RPTOR: variants seen among roughly 807,000 people sequenced by gnomAD.
The protein encoded by RPTOR is regulatory associated protein of MTOR complex 1, also known as regulatory-associated protein of mTOR.
RPTOR carries 21 observed loss-of-function variants against 169.9 expected under a neutral mutation model. The observed-to-expected ratio is 0.12, with a 90% CI of 0.09 to 0.18. The LOEUF (loss-of-function observed/expected upper bound fraction) is 0.18. Ranked by LOEUF, RPTOR falls within the 10% of genes least tolerant of loss-of-function variation. RPTOR has a pLI of 1.00. For synonymous variants in RPTOR, 732 were observed against 753.2 expected (o/e 0.97, Z 0.46); for missense variants, 1,133 against 1,855.9 (o/e 0.61, Z 7.16).
intron 11 of RPTOR, among the ~76,000 whole-genome samples, chr17:80,846,994 A>G (rs2067738560): frequency 6.6e-6 from 1 of 152,206 alleles, no homozygotes. Context: ...TTCTCTTGGG[A>G]AGGACAGGAG....
At chr17:80,892,124 G>A (rs1056224642) in intron 18 of RPTOR, among the ~76,000 whole-genome samples, 5 of 152,184 alleles carry the variant, frequency 3.3e-5, no homozygotes, top group East Asian at 1.9e-4. Context: ...AGGAGCTTGC[G>A]GAAAAGCGCA....
At position 80,587,948 on chromosome 17, in the gene RPTOR, C is replaced by T. The variant is rs145745152; in HGVS notation, c.163-37743C>T. ...CCCTACCCCTTCCACCCACTAACCT[C>T]TGGTGACCACCATTCTACTCTGCTT... is the stretch of plus-strand genomic sequence containing the variant. On this transcript the variant is annotated intron_variant, in intron 1 of 33. Coordinates refer to ENST00000306801, the MANE Select transcript of RPTOR (RefSeq NM_020761.3). Among the ~76,000 whole-genome samples, 50 of 152,308 alleles carry T rather than the reference C, an allele frequency of 3.3e-4. 1 individual carries two copies. The highest frequency in any genetic ancestry group is 1.2e-3 in the African/African-American group (49 of 41,562).
chr17:80,691,545 A>T (rs1309922946), intron 3 of RPTOR, among the ~76,000 whole-genome samples: 1 of 152,096 alleles, frequency 6.6e-6, no homozygotes, highest in Non-Finnish European at 1.5e-5. Context: ...TTCGTTCTTC[A>T]CCGATGTCCA....
chr17:80,747,566 C>G (rs961211920), intron 5 of RPTOR, among the ~76,000 whole-genome samples: 1 of 152,248 alleles, frequency 6.6e-6, no homozygotes, highest in Non-Finnish European at 1.5e-5. Flanking sequence ...ACCTGTCCGA[C>G]TGCTCCCTCG....
intron 3 of RPTOR, among the ~76,000 whole-genome samples, chr17:80,664,583 ACCT>A (rs945374652): frequency 5.5e-4 from 82 of 148,368 alleles, no homozygotes; most frequent in African/African-American, 1.9e-3. Flanking sequence ...CTCTCTTTCC[ACCT>A]CCTCCTCCGT....
intron 1 of RPTOR, among the ~76,000 whole-genome samples, chr17:80,567,664 C>T (rs143012748): frequency 0.18 from 27,490 of 151,306 alleles, 2,566 homozygotes; most frequent in East Asian, 0.27. Flanking sequence ...TGGTGGCGGG[C>T]GCCTATAATC....
chr17:80,640,030 T>C (rs868095890), intron 2 of RPTOR, among the ~76,000 whole-genome samples: 2 of 152,208 alleles, frequency 1.3e-5, no homozygotes, highest in Non-Finnish European at 2.9e-5. Flanking sequence ...TCTAAGTATC[T>C]TGAAATTCAG....
intron 6 of RPTOR, among the ~76,000 whole-genome samples, chr17:80,771,535 A>G (rs529479154): frequency 2.0e-5 from 3 of 151,988 alleles, no homozygotes; most frequent in Admixed American, 2.0e-4. Flanking sequence ...AGCCCTCAAT[A>G]TTGTAATCAG....
chr17:80,681,214 G>T (rs1305503275), intron 3 of RPTOR, among the ~76,000 whole-genome samples: 2 of 152,206 alleles, frequency 1.3e-5, no homozygotes, highest in Non-Finnish European at 2.9e-5. Flanking sequence ...TGGCAGTGGA[G>T]TGTCTCGCTT....
chr17:80,949,218 A>G (rs2069142129), intron 27 of RPTOR, among the ~76,000 whole-genome samples: 1 of 152,144 alleles, frequency 6.6e-6, no homozygotes, highest in Non-Finnish European at 1.5e-5. Flanking sequence ...GTGGTCTCCC[A>G]TCCCCTGGGC....
intron 3 of RPTOR, among the ~76,000 whole-genome samples, chr17:80,694,473 C>T (rs2066019597): frequency 6.6e-6 from 1 of 152,188 alleles, no homozygotes. Context: ...ATATGTGGGG[C>T]CGTGGTGCTG....
At chr17:80,830,899 C>T (rs1029742575) in intron 9 of RPTOR, among the ~76,000 whole-genome samples, 3 of 152,030 alleles carry the variant, frequency 2.0e-5, no homozygotes, top group East Asian at 1.9e-4. Flanking sequence ...TACAGGCACA[C>T]GCCCAGCTAA....
chr17:80,637,462 G>C (rs1324847998), intron 2 of RPTOR, among the ~76,000 whole-genome samples: 1 of 152,240 alleles, frequency 6.6e-6, no homozygotes, highest in African/African-American at 2.4e-5. Flanking sequence ...CCCCCCTCTG[G>C]ATAATAAGTT....
intron 20 of RPTOR, among the ~76,000 whole-genome samples, chr17:80,902,043 ATCT>A (rs1412742251): frequency 1.3e-5 from 2 of 152,076 alleles, no homozygotes; most frequent in Non-Finnish European, 2.9e-5. Flanking sequence ...AGGTTCTAGA[ATCT>A]TCTTTGATGT....
chr17:80,838,676 C>T (rs935288030), intron 10 of RPTOR, among the ~76,000 whole-genome samples: 7 of 152,302 alleles, frequency 4.6e-5, no homozygotes, highest in Admixed American at 2.0e-4. Context: ...GGCAAGAGGG[C>T]GCGGCAGACA....
chr17:80,862,040 C>T (rs901050463), intron 13 of RPTOR, among the ~76,000 whole-genome samples: 6 of 152,234 alleles, frequency 3.9e-5, no homozygotes, highest in Middle Eastern at 3.4e-3. Flanking sequence ...GAGGCTGCAG[C>T]GTGCCTTCGT....
At chr17:80,899,901 C>T (rs1056608888) in intron 20 of RPTOR, among the ~76,000 whole-genome samples, 9 of 152,198 alleles carry the variant, frequency 5.9e-5, no homozygotes, top group African/African-American at 1.7e-4. Context: ...ACCCTGCCCG[C>T]ACCCTGGCCT....
At chr17:80,768,478 G>A (rs2066810140) in intron 6 of RPTOR, among the ~76,000 whole-genome samples, 2 of 152,178 alleles carry the variant, frequency 1.3e-5, no homozygotes, top group African/African-American at 4.8e-5. Context: ...CCCACAGTTG[G>A]GCTCTCATAG....
At chr17:80,691,445 T>A (rs1246308858) in intron 3 of RPTOR, among the ~76,000 whole-genome samples, 1 of 151,330 alleles carries the variant, frequency 6.6e-6, no homozygotes, top group Non-Finnish European at 1.5e-5. Context: ...ATGTGAGTGA[T>A]GTGTGTGTGT....
Sources: allele counts gnomAD v4.1 joint callset (sites outside exome capture counted in the v4.1 genomes callset), GRCh38; gene constraint gnomAD v4.1.1; transcripts MANE v1.5; gene names NCBI Gene and HGNC (gene_info 2026-07-23, HGNC 2026-07-21).